Variants in EPHB1 observed in about 807,000 individuals in gnomAD.
The protein encoded by EPHB1 is EPH receptor B1.
EPHB1 carries 30 observed loss-of-function variants against 94.4 expected under a neutral mutation model. The observed-to-expected ratio is 0.32, with a 90% CI of 0.24 to 0.43. EPHB1 has a LOEUF of 0.43. EPHB1 is among the 20% of genes least tolerant of loss of function. The pLI is 1.00. For missense variants in EPHB1, 1,055 were observed against 1,308.3 expected, an observed-to-expected ratio of 0.81 and a Z score of 2.99; for synonymous variants, 522 against 489.1, an observed-to-expected ratio of 1.07 and a Z score of -0.89.
chr3:135,237,250 G>C (rs992464583), intron 12 of EPHB1, among the ~76,000 whole-genome samples: 16 of 150,712 alleles, frequency 1.1e-4, no homozygotes, highest in Admixed American at 4.6e-4. Flanking sequence ...TTCGCTGCCA[G>C]ATATCTTCTC....
At chr3:135,086,615 A>G (rs1384130488) in intron 3 of EPHB1, among the ~76,000 whole-genome samples, 1 of 151,860 alleles carries the variant, frequency 6.6e-6, no homozygotes, top group Non-Finnish European at 1.5e-5. Context: ...CTAGTAAACT[A>G]TGAATGCTTC....
At chr3:134,909,492 G>A (rs1161721947) in intron 1 of EPHB1, among the ~76,000 whole-genome samples, 1 of 152,182 alleles carries the variant, frequency 6.6e-6, no homozygotes, top group Non-Finnish European at 1.5e-5. Context: ...TCTGAAATGC[G>A]AGCCAGGCCC....
At chr3:134,969,229 G>A (rs949016027) in intron 3 of EPHB1, among the ~76,000 whole-genome samples, 4 of 152,142 alleles carry the variant, frequency 2.6e-5, no homozygotes, top group Non-Finnish European at 5.9e-5. Flanking sequence ...GGTATCTCAT[G>A]GTGATATTAA....
At chr3:135,114,798 A>G (rs1233376242) in intron 4 of EPHB1, among the ~76,000 whole-genome samples, 1 of 151,998 alleles carries the variant, frequency 6.6e-6, no homozygotes, top group Non-Finnish European at 1.5e-5. Flanking sequence ...GAATAATTCA[A>G]TAAAAGTAAG....
intron 15 of EPHB1, among the ~76,000 whole-genome samples, chr3:135,252,000 C>G (rs1933123564): frequency 6.6e-6 from 1 of 152,020 alleles, no homozygotes; most frequent in African/African-American, 2.4e-5. Context: ...TTTCTCTGAG[C>G]CCTACTTGCC....
chr3:135,034,578 A>G (rs1936586105), intron 3 of EPHB1, among the ~76,000 whole-genome samples: 1 of 152,200 alleles, frequency 6.6e-6, no homozygotes, highest in Non-Finnish European at 1.5e-5. Flanking sequence ...GGACAGGTGG[A>G]TTGTGGTGAA....
At position 135,155,635 on chromosome 3, in the gene EPHB1, C is replaced by G. The variant is rs1334122168; in HGVS notation, c.1422+1359C>G. On this transcript the variant is annotated intron_variant, in intron 6 of 15. Coordinates refer to ENST00000398015, the MANE Select transcript of EPHB1 (RefSeq NM_004441.5). ...CCTGACCAACATAATGAAACCCCATCTCTACTAAAAATACAAAAAATTAGC... is the reference window on the plus strand; with the variant it reads ...CCTGACCAACATAATGAAACCCCATGTCTACTAAAAATACAAAAAATTAGC... Among the ~76,000 whole-genome samples the G allele has an allele frequency of 2.6e-5, 4 of 151,172 alleles. No homozygotes were observed. In the East Asian group the frequency reaches 7.8e-4, roughly 29 times the overall value.
chr3:134,865,261 C>G (rs993039323), intron 1 of EPHB1, among the ~76,000 whole-genome samples: 1 of 152,092 alleles, frequency 6.6e-6, no homozygotes, highest in Non-Finnish European at 1.5e-5. Context: ...ATTGAAAATA[C>G]TAATTGCAAC....
chr3:135,149,233 T>C (rs1941114628), intron 5 of EPHB1, among the ~76,000 whole-genome samples: 1 of 152,258 alleles, frequency 6.6e-6, no homozygotes, highest in Admixed American at 6.5e-5. Context: ...AATAATCTTG[T>C]GAACTCTTTA....
intron 3 of EPHB1, among the ~76,000 whole-genome samples, chr3:134,968,704 G>T (rs961531345): frequency 4.6e-5 from 7 of 152,062 alleles, no homozygotes; most frequent in African/African-American, 1.7e-4. Flanking sequence ...GCTCCTTTCT[G>T]CTACCCCTCT....
intron 3 of EPHB1, among the ~76,000 whole-genome samples, chr3:134,962,552 C>T (rs1933559854): frequency 1.3e-5 from 2 of 152,138 alleles, no homozygotes; most frequent in Non-Finnish European, 2.9e-5. Flanking sequence ...TCAGGAAGGC[C>T]GAATCTGCCT....
chr3:134,893,721 C>T (rs1312943967), intron 1 of EPHB1, among the ~76,000 whole-genome samples: 2 of 152,204 alleles, frequency 1.3e-5, no homozygotes, highest in Admixed American at 6.5e-5. Context: ...AACCAGGGCC[C>T]CCATTATCTG....
chr3:135,205,290 GTTGT>G (rs1407492115), intron 12 of EPHB1, among the ~76,000 whole-genome samples: 2 of 151,982 alleles, frequency 1.3e-5, no homozygotes, highest in African/African-American at 4.8e-5. Flanking sequence ...TTTCTATCGG[GTTGT>G]TTGTTGATTT....
At chr3:135,204,380 A>G (rs181759345) in intron 12 of EPHB1, among the ~76,000 whole-genome samples, 2 of 150,774 alleles carry the variant, frequency 1.3e-5, no homozygotes, top group East Asian at 3.9e-4. Flanking sequence ...ACTTTTTTGT[A>G]TTTTCAGTAG....
At chr3:134,847,683 A>G (rs80122690) in intron 1 of EPHB1, among the ~76,000 whole-genome samples, 37,568 of 152,014 alleles carry the variant, frequency 0.25, 5,566 homozygotes, top group African/African-American at 0.42. Flanking sequence ...GTGCATCCTC[A>G]CGAGTATCAC....
At chr3:134,850,810 T>A (rs2108299433) in intron 1 of EPHB1, among the ~76,000 whole-genome samples, 1 of 152,366 alleles carries the variant, frequency 6.6e-6, no homozygotes, top group Non-Finnish European at 1.5e-5. Flanking sequence ...CTCTTGTGGC[T>A]ACTCTGAGGG....
intron 3 of EPHB1, among the ~76,000 whole-genome samples, chr3:134,965,438 G>A (rs1933700124): frequency 1.3e-5 from 2 of 152,072 alleles, no homozygotes; most frequent in Admixed American, 1.3e-4. Context: ...GGTGGCTCAT[G>A]CCTGTAGTCC....
intron 1 of EPHB1, among the ~76,000 whole-genome samples, chr3:134,822,321 C>G (rs1430521880): frequency 6.6e-6 from 1 of 152,158 alleles, no homozygotes; most frequent in African/African-American, 2.4e-5. Flanking sequence ...ACACCACTCC[C>G]CAGCCTAGGC....
At position 135,173,678 on chromosome 3, in the gene EPHB1, A is replaced by G. The variant is rs111437909; in HGVS notation, c.1760-6182A>G. Among the ~76,000 whole-genome samples the G allele has an allele frequency of 6.1e-3, 923 of 152,254 alleles. 12 individuals carry two copies. Among genetic ancestry groups the G allele is most frequent in the African/African-American group, 0.021 (879 of 41,556 alleles). ...TTCGCTAGTTGGTTTACTCCAAGAA[A>G]CTGCCCAGTCTTCAGCCTTCCTGCT... On this transcript the variant is annotated intron_variant, in intron 9 of 15. Coordinates refer to ENST00000398015, the MANE Select transcript of EPHB1 (RefSeq NM_004441.5).
Sources: gnomAD v4.1 joint callset for allele counts (sites outside exome capture counted in the v4.1 genomes callset) on GRCh38, gnomAD v4.1.1 for gene constraint, MANE v1.5 for transcripts, NCBI Gene and HGNC (gene_info 2026-07-23, HGNC 2026-07-21) for gene names.